The following MID2 variants were observed in gnomAD, a reference collection of about 807,000 sequenced individuals.
MID2 encodes the protein midline 2.
MID2 carries 13 observed loss-of-function variants against 46.1 expected under a neutral mutation model. The observed-to-expected ratio is 0.28, with a 90% CI of 0.18 to 0.45. The LOEUF (loss-of-function observed/expected upper bound fraction) is 0.45, where lower values mean the gene tolerates loss of function less well. MID2 is among the 20% of genes least tolerant of loss of function. The probability of loss-of-function intolerance (pLI) is 1.00; values close to 1 mark genes in which losing one functional copy is unlikely to be tolerated. For synonymous variants in MID2, 199 were observed against 212.3 expected, an observed-to-expected ratio of 0.94 and a Z score of 0.55; for missense variants, 431 against 575.4, an observed-to-expected ratio of 0.75 and a Z score of 2.57.
chrX:107,837,809 A>G (rs1931243266), intron 1 of MID2, among the ~76,000 whole-genome samples: 1 of 111,854 alleles, frequency 8.9e-6, no homozygotes, highest in South Asian at 3.8e-4. Flanking sequence ...CTTCCTCACA[A>G]GTTTCCTGAA....
Position 107,927,959 on chromosome X carries a change from G to C in MID2, c.*886G>C, listed in dbSNP as rs556886487. 4.5e-5 allele frequency among the ~76,000 whole-genome samples: 5 copies of C among 111,497 alleles called. No homozygotes were observed. The highest frequency in any genetic ancestry group is 9.5e-5 in the Admixed American group (1 of 10,486). ...CAGACAAGATTGCACAAGAGATGCTGTTGCTGGATAGAAAATTGATCAGGT... is the reference window on the plus strand; with the variant it reads ...CAGACAAGATTGCACAAGAGATGCTCTTGCTGGATAGAAAATTGATCAGGT... On this transcript the variant is annotated 3_prime_UTR_variant, in exon 10 of 10. Transcript: ENST00000262843.
intron 5 of MID2, among the ~76,000 whole-genome samples, chrX:107,908,684 C>T (rs1479206235): frequency 1.1e-5 from 1 of 92,467 alleles, no homozygotes; most frequent in Non-Finnish European, 2.0e-5. Context: ...GGCAACATAG[C>T]GAGATTCCAT....
At chrX:107,890,210 C>T (rs1158530034) in intron 3 of MID2, among the ~76,000 whole-genome samples, 1 of 112,122 alleles carries the variant, frequency 8.9e-6, no homozygotes, top group Non-Finnish European at 1.9e-5. Flanking sequence ...TTTAGAGTTT[C>T]CAGTTTTTCT....
intron 3 of MID2, among the ~76,000 whole-genome samples, chrX:107,875,261 G>A (rs1223714494): frequency 9.0e-6 from 1 of 111,537 alleles, no homozygotes; most frequent in African/African-American, 3.3e-5. Flanking sequence ...GAGATAGCAG[G>A]GTATACAGAT....
intron 1 of MID2, among the ~76,000 whole-genome samples, chrX:107,836,626 G>A (rs771788522): frequency 1.2e-4 from 13 of 109,492 alleles, no homozygotes; most frequent in Non-Finnish European, 1.9e-4. Flanking sequence ...GAGGCAATGC[G>A]CATAAAGGGT....
intron 3 of MID2, among the ~76,000 whole-genome samples, chrX:107,869,515 A>T (rs943334988): frequency 3.6e-5 from 4 of 112,086 alleles, no homozygotes; most frequent in Non-Finnish European, 5.7e-5. Flanking sequence ...GATTGTGATT[A>T]TCACTATATT....
chrX:107,924,587 C>T, intron 8 of MID2, 83 bp downstream of exon 8: 1 of 999,334 alleles, frequency 1.0e-6, no homozygotes, highest in South Asian at 2.1e-5. Flanking sequence ...GCACTCACAG[C>T]AGTGCATGGG....
rs1467540297 is a variant in MID2 at position 107,854,650 on chromosome X, C to T, written c.762C>T (p.Asn254=). Residue 254 remains asparagine, a synonymous_variant, in exon 3 of 10, where the codon AAC becomes AAT. Coordinates refer to ENST00000262843, the MANE Select transcript of MID2 (RefSeq NM_012216.4). ...EMNLTNLVKR[N]SELENQMAKL... is the part of the protein sequence containing the mutation. ...ACCTCACCAACCTGGTTAAGCGCAA[C>T]AGCGAACTAGAAAATCAAATGGCCA... is the stretch of plus-strand genomic sequence containing the variant. The T allele has an allele frequency of 8.3e-7, 1 of 1,210,975 alleles. No individual in the cohort carries two copies. The highest frequency in any genetic ancestry group is 2.2e-5 in the Admixed American group (1 of 46,035).
chrX:107,894,092 CTG>C (rs1259906789), intron 3 of MID2, among the ~76,000 whole-genome samples: 3 of 112,136 alleles, frequency 2.7e-5, no homozygotes, highest in Non-Finnish European at 3.8e-5. Flanking sequence ...TGTTCCTCCT[CTG>C]TGTCTTCAGG....
chrX:107,903,325 G>GTT (rs200111395), intron 3 of MID2, among the ~76,000 whole-genome samples: 34 of 99,960 alleles, frequency 3.4e-4, no homozygotes, highest in African/African-American at 1.0e-3. Flanking sequence ...CAGAATGGTA[G>GTT]TTTTTTTTTT....
chrX:107,844,230 G>A lies in MID2; in HGVS notation c.720+2845G>A, dbSNP rs190423174. ...CCTGTCTTTTTAACATGTTCTCAAA[G>A]TGGATTAGAGGGCTTGGGGTACTTA... On this transcript the variant is annotated intron_variant, in intron 2 of 9. Coordinates refer to ENST00000262843, the MANE Select transcript of MID2 (RefSeq NM_012216.4). Among the ~76,000 whole-genome samples the A allele has an allele frequency of 1.1e-3, 120 of 111,671 alleles. 1 individual carries two copies. Among genetic ancestry groups the A allele is most frequent in the Admixed American group, 0.01 (107 of 10,475 alleles).
At chrX:107,844,789 T>C (rs1440482808) in intron 2 of MID2, among the ~76,000 whole-genome samples, 1 of 111,505 alleles carries the variant, frequency 9.0e-6, no homozygotes, top group Non-Finnish European at 1.9e-5. Context: ...GTCACTAGTG[T>C]TCTTCTCTTG....
chrX:107,930,770 AAAG>A lies in MID2; in HGVS notation c.*3701_*3703del, dbSNP rs1266069559. Among the ~76,000 whole-genome samples the A allele has an allele frequency of 8.0e-5, 9 of 112,450 alleles. No individual in the cohort carries two copies. Among genetic ancestry groups the A allele is most frequent in the African/African-American group, 2.9e-4 (9 of 30,995 alleles). ...AATAGGACTTGTATTTAACATTTTCAAAGAAGGTGACTGCATAAGCTTTTGTTG... is the reference window on the plus strand; with the variant it reads ...AATAGGACTTGTATTTAACATTTTCAAAGGTGACTGCATAAGCTTTTGTTG... On this transcript the variant is annotated 3_prime_UTR_variant, in exon 10 of 10. Transcript: ENST00000262843.
rs979391098 is a variant in MID2 at position 107,928,243 on chromosome X, T to G, written c.*1170T>G. ...CACTTCTGAAGTGCTCAAGAATGTC[T>G]GAAAACAGTTTGTTTTCTTAAATAG... On this transcript the variant is annotated 3_prime_UTR_variant, in exon 10 of 10. Transcript: ENST00000262843. 8.9e-6 allele frequency among the ~76,000 whole-genome samples: 1 copy of G among 111,818 alleles called. No individual in the cohort carries two copies. The highest frequency in any genetic ancestry group is 9.5e-5 in the Admixed American group (1 of 10,505).
At chrX:107,863,922 C>G (rs890236130) in intron 3 of MID2, among the ~76,000 whole-genome samples, 11 of 112,234 alleles carry the variant, frequency 9.8e-5, no homozygotes, top group African/African-American at 3.6e-4. Flanking sequence ...CTAGAGACAT[C>G]ATTTCTAATC....
intron 1 of MID2, among the ~76,000 whole-genome samples, chrX:107,836,801 A>C (rs1185665975): frequency 9.0e-6 from 1 of 111,627 alleles, no homozygotes; most frequent in Non-Finnish European, 1.9e-5. Context: ...AAATTGGCTA[A>C]AACAGTTAAT....
Position 107,904,009 on chromosome X carries a change from G to A in MID2, c.868G>A (p.Val290Ile), listed in dbSNP as rs749752049. The change falls in exon 4 of 10, where the codon GTA becomes ATA. Residue 290 changes from valine (V) to isoleucine (I), a missense_variant. Transcript: ENST00000262843. ...ACTTATGGAAGAATGTGACGAGTTG[G>A]TAGAGATCATCCAGCAGAGGAAGCA... ...AKLMEECDELVEIIQQRKQMI... is the reference protein window; with the variant it reads ...AKLMEECDELIEIIQQRKQMI... The A allele has an allele frequency of 3.1e-5, 37 of 1,208,533 alleles. No individual in the cohort carries two copies. Among genetic ancestry groups the A allele is most frequent in the Non-Finnish European group, 3.8e-5 (34 of 893,766 alleles).
chrX:107,857,343 C>G (rs1346185040), intron 3 of MID2, among the ~76,000 whole-genome samples: 1 of 107,005 alleles, frequency 9.3e-6, no homozygotes, highest in African/African-American at 3.4e-5. Flanking sequence ...TGCAGTGGCA[C>G]AATCTCGGCT....
At position 107,841,031 on chromosome X, in the gene MID2, G is replaced by C; in HGVS notation, c.366G>C (p.Arg122=). Residue 122 remains arginine, a synonymous_variant, in exon 2 of 10, where the codon CGG becomes CGC. Transcript: ENST00000262843. ...SGPNSPSESR[R]ERTYRPTTAM... ...CCAATTCCCCTAGTGAGAGCCGCCG[G>C]GAAAGGACTTACAGGCCCACCACTG... The C allele has an allele frequency of 1.7e-6, 2 of 1,211,584 alleles. No homozygotes were observed. Among genetic ancestry groups the C allele is most frequent in the Non-Finnish European group, 2.2e-6 (2 of 895,492 alleles).
Sources: allele counts gnomAD v4.1 joint callset (sites outside exome capture counted in the v4.1 genomes callset), GRCh38; gene constraint gnomAD v4.1.1; transcripts MANE v1.5; gene names NCBI Gene and HGNC (gene_info 2026-07-23, HGNC 2026-07-21).